The following EXOC4 variants were observed in gnomAD, a reference collection of about 807,000 sequenced individuals.
EXOC4 encodes exocyst complex component 4, also known as SEC8-like 1.
A neutral mutation model predicts 107.2 loss-of-function variants in EXOC4; 71 were observed. The ratio of observed to expected loss-of-function variants is 0.66; its 90% confidence interval spans 0.55 to 0.81. EXOC4 has a LOEUF of 0.81. EXOC4 is among the 30% of genes least tolerant of loss of function. The pLI, the probability that EXOC4 is intolerant of heterozygous loss-of-function variation, is 0.00. For missense variants in EXOC4, 1,108 were observed against 1,189.6 expected, an observed-to-expected ratio of 0.93 and a Z score of 1.01; for synonymous variants, 456 against 441.2, an observed-to-expected ratio of 1.03 and a Z score of -0.42.
chr7:133,649,654 GAGA>G lies in EXOC4; in HGVS notation c.1514+19519_1514+19521del, dbSNP rs1032612969. On this transcript the variant is annotated intron_variant, in intron 10 of 17. Coordinates refer to ENST00000253861, the MANE Select transcript of EXOC4 (RefSeq NM_021807.4). ...CTGTGTCATTCCTTTTAAGCAAAAGGAGAAGAAGTGGAATTGGGTTCAAGGCCA... is the reference window on the plus strand; with the variant it reads ...CTGTGTCATTCCTTTTAAGCAAAAGGAGAAGTGGAATTGGGTTCAAGGCCA... 1.2e-4 allele frequency among the ~76,000 whole-genome samples: 18 copies of G among 152,136 alleles called. No individual in the cohort carries two copies. The South Asian group carries it at 2.3e-3, about 19-fold the overall frequency.
In EXOC4 at chr7:133,707,772, C is replaced by T. The variant is rs138862684; in HGVS notation, c.1514+77631C>T. Among the ~76,000 whole-genome samples the T allele has an allele frequency of 2.3e-3, 356 of 152,138 alleles. 5 individuals are homozygous for T. Among genetic ancestry groups the T allele is most frequent in the African/African-American group, 8.0e-3 (333 of 41,512 alleles). On this transcript the variant is annotated intron_variant, in intron 10 of 17. Transcript: ENST00000253861. ...CTGGGACTACAGGCGCACGCCACCA[C>T]GCCTGGCTAATTTTTGTATTTTTAG... is the stretch of plus-strand genomic sequence containing the variant.
intron 10 of EXOC4, among the ~76,000 whole-genome samples, chr7:133,780,732 G>T (rs1262848789): frequency 6.6e-6 from 1 of 152,152 alleles, no homozygotes; most frequent in African/African-American, 2.4e-5. Context: ...GGAAGGGCAG[G>T]AACTCCATGA....
At chr7:133,362,295 G>A (rs1033817817) in intron 6 of EXOC4, among the ~76,000 whole-genome samples, 1 of 152,058 alleles carries the variant, frequency 6.6e-6, no homozygotes, top group African/African-American at 2.4e-5. Context: ...GTGACCAAAC[G>A]ACTTTTGAGC....
At chr7:133,625,151 GAAC>G (rs1483787851) in intron 9 of EXOC4, among the ~76,000 whole-genome samples, 2 of 152,124 alleles carry the variant, frequency 1.3e-5, no homozygotes, top group Non-Finnish European at 2.9e-5. Flanking sequence ...AAAGTAACAA[GAAC>G]AACATTTTTT....
intron 14 of EXOC4, among the ~76,000 whole-genome samples, chr7:133,991,814 T>C (rs1265767921): frequency 1.3e-5 from 2 of 152,184 alleles, no homozygotes; most frequent in Non-Finnish European, 2.9e-5. Context: ...GGTCTATGTG[T>C]CTGTTTTTTA....
intron 17 of EXOC4, among the ~76,000 whole-genome samples, chr7:134,060,554 A>G (rs186610560): frequency 1.3e-3 from 196 of 152,304 alleles, no homozygotes; most frequent in Non-Finnish European, 2.2e-3. Context: ...CAAGCTTTCA[A>G]TTTCCTGGGG....
chr7:133,895,560 A>G (rs748429128), intron 11 of EXOC4, 39 bp from the exon 12 acceptor site: 69 of 1,602,398 alleles, frequency 4.3e-5, no homozygotes, highest in African/African-American at 1.3e-5. Flanking sequence ...CACATTGACT[A>G]CAGAAATCTC....
rs116671544 is a variant in EXOC4, at chr7:133,350,564, A to G, written c.764-5766A>G. ...TTTGTGCCAGCACCACAGTGTTTTG[A>G]TTACTGTAACTTCTAAGTAAGTTTG... On this transcript the variant is annotated intron_variant, in intron 5 of 17. Coordinates refer to ENST00000253861, the MANE Select transcript of EXOC4 (RefSeq NM_021807.4). Among the ~76,000 whole-genome samples, 790 of 152,042 alleles carry G rather than the reference A, an allele frequency of 5.2e-3. 6 individuals carry two copies. Among genetic ancestry groups the G allele is most frequent in the African/African-American group, 0.018 (745 of 41,476 alleles).
intron 5 of EXOC4, among the ~76,000 whole-genome samples, chr7:133,338,300 A>T (rs1053511598): frequency 2.0e-5 from 3 of 151,952 alleles, no homozygotes; most frequent in Non-Finnish European, 4.4e-5. Flanking sequence ...ATTTTTAAAA[A>T]TTTTTTATTT....
intron 9 of EXOC4, among the ~76,000 whole-genome samples, chr7:133,575,531 C>G (rs1192162587): frequency 6.6e-6 from 1 of 152,118 alleles, no homozygotes; most frequent in Non-Finnish European, 1.5e-5. Context: ...TTTAAAAATT[C>G]TGCTATGATG....
intron 10 of EXOC4, among the ~76,000 whole-genome samples, chr7:133,782,375 C>T (rs1416867723): frequency 6.6e-6 from 1 of 152,152 alleles, no homozygotes; most frequent in African/African-American, 2.4e-5. Context: ...TATTTCACAT[C>T]ACACAAATGT....
At position 133,780,700 on chromosome 7, in the gene EXOC4, C is replaced by A. The variant is rs1432516352; in HGVS notation, c.1515-36625C>A. Among the ~76,000 whole-genome samples, 2 of 152,218 alleles carry A rather than the reference C, an allele frequency of 1.3e-5. 1 individual carries two copies. The highest frequency in any genetic ancestry group is 6.8e-3 in the Middle Eastern group (2 of 294). ...TTCAGGTTGGCCTGTCATGCTTAAT[C>A]ACTGGCTAGGAGCAACCTGGGGGAA... On this transcript the variant is annotated intron_variant, in intron 10 of 17. Coordinates refer to ENST00000253861, the MANE Select transcript of EXOC4 (RefSeq NM_021807.4).
chr7:133,677,849 G>C (rs1794098927), intron 10 of EXOC4, among the ~76,000 whole-genome samples: 1 of 151,454 alleles, frequency 6.6e-6, no homozygotes, highest in African/African-American at 2.4e-5. Flanking sequence ...TATTTTAATT[G>C]GTTATTATTG....
chr7:133,377,741 A>G (rs1796521070), intron 7 of EXOC4, among the ~76,000 whole-genome samples: 1 of 152,198 alleles, frequency 6.6e-6, no homozygotes, highest in African/African-American at 2.4e-5. Flanking sequence ...TATGAAAACC[A>G]AAGAAAAAAT....
At chr7:133,361,563 T>C (rs1796137562) in intron 6 of EXOC4, among the ~76,000 whole-genome samples, 2 of 152,334 alleles carry the variant, frequency 1.3e-5, no homozygotes, top group South Asian at 4.1e-4. Context: ...ATTTTAACTG[T>C]TGCCAACTGT....
chr7:133,979,817 C>T (rs979908178), intron 14 of EXOC4, among the ~76,000 whole-genome samples: 2 of 151,972 alleles, frequency 1.3e-5, no homozygotes. Flanking sequence ...CCCTAAATTG[C>T]CTTCGTTAAA....
At chr7:133,761,413 G>A (rs1414173370) in intron 10 of EXOC4, among the ~76,000 whole-genome samples, 3 of 151,884 alleles carry the variant, frequency 2.0e-5, no homozygotes, top group African/African-American at 4.8e-5. Flanking sequence ...TGAATCTCTC[G>A]GTAAAAATTA....
intron 2 of EXOC4, among the ~76,000 whole-genome samples, chr7:133,280,602 TGCTAGATCAA>T (rs1289693654): frequency 2.6e-5 from 4 of 152,204 alleles, no homozygotes; most frequent in African/African-American, 9.6e-5. Context: ...ACCCTATTGG[TGCTAGATCAA>T]GCTCTGAATC....
At chr7:133,470,758 A>G (rs1471933418) in intron 7 of EXOC4, among the ~76,000 whole-genome samples, 1 of 152,214 alleles carries the variant, frequency 6.6e-6, no homozygotes, top group African/African-American at 2.4e-5. Context: ...TTGAGAGCCA[A>G]CAAGAATGTG....
Sources: allele counts gnomAD v4.1 joint callset (sites outside exome capture counted in the v4.1 genomes callset), GRCh38; gene constraint gnomAD v4.1.1; transcripts MANE v1.5; gene names NCBI Gene and HGNC (gene_info 2026-07-23, HGNC 2026-07-21).